BCL9: variants seen among roughly 807,000 people sequenced by gnomAD.
BCL9 encodes B-cell CLL/lymphoma 9 protein.
In BCL9, 25 loss-of-function variants were observed where a neutral mutation model predicts 88.5. That is an observed-to-expected ratio of 0.28 (90% CI 0.21 to 0.39). The LOEUF (loss-of-function observed/expected upper bound fraction) is 0.39. Ranked by LOEUF, BCL9 falls within the 10% of genes least tolerant of loss-of-function variation. The pLI, the probability that BCL9 is intolerant of heterozygous loss-of-function variation, is 1.00. For synonymous variants in BCL9, 711 were observed against 673.3 expected, an observed-to-expected ratio of 1.06 and a Z score of -0.87; for missense variants, 1,817 against 1,877.8, an observed-to-expected ratio of 0.97 and a Z score of 0.60.
chr1:147,584,589 T>C (rs1656515497), intron 1 of BCL9, among the ~76,000 whole-genome samples: 1 of 152,220 alleles, frequency 6.6e-6, no homozygotes, highest in Non-Finnish European at 1.5e-5. Context: ...TCTCTTGTTT[T>C]TGTTGCTGAT....
chr1:147,611,840 C>T lies in BCL9; in HGVS notation c.4C>T (p.His2Tyr). The T allele has an allele frequency of 6.2e-7, 1 of 1,614,156 alleles. No individual in the cohort carries two copies. The highest frequency in any genetic ancestry group is 8.5e-7 in the Non-Finnish European group (1 of 1,179,974). ...TGCAAGCTCAGGATTTCAATCAATG[C>T]ATTCCAGTAACCCTAAAGTGAGGAG... MHSSNPKVRSSP... is the reference protein window; with the variant it reads MYSSNPKVRSSP... The change falls in exon 4 of 10, where the codon CAT (histidine) becomes TAT (tyrosine). Residue 2 changes from histidine (H) to tyrosine (Y), a missense_variant. Transcript: ENST00000234739.
chr1:147,599,829 CT>C (rs1657261752), intron 1 of BCL9, among the ~76,000 whole-genome samples: 4 of 139,552 alleles, frequency 2.9e-5, no homozygotes, highest in Non-Finnish European at 4.7e-5. Flanking sequence ...CTGCGGGAAG[CT>C]GGGGGCGGGA....
chr1:147,613,997 A>C (rs1658141303), intron 5 of BCL9, among the ~76,000 whole-genome samples: 1 of 152,164 alleles, frequency 6.6e-6, no homozygotes, highest in Admixed American at 6.5e-5. Flanking sequence ...TGCCAGCACT[A>C]TGCTGGGGGG....
At chr1:147,552,847 T>C (rs1322805356) in intron 1 of BCL9, among the ~76,000 whole-genome samples, 1 of 152,132 alleles carries the variant, frequency 6.6e-6, no homozygotes, top group African/African-American at 2.4e-5. Flanking sequence ...GGCCTATAAA[T>C]CCCTGGTGTG....
chr1:147,620,852 A>AGCT lies in BCL9; in HGVS notation c.2707_2709dup (p.Ala903dup), dbSNP rs782651718. ...AGCTGGCAGGCATGCTGGCGGGCCC[A>AGCT]GCTGCTGCTGCTTCCATTAAGTCCC... On this transcript the variant is annotated inframe_insertion, in exon 8 of 10. Transcript: ENST00000234739. The AGCT allele has an allele frequency of 3.7e-6, 6 of 1,613,980 alleles. No homozygotes were observed. In the East Asian group the frequency reaches 1.1e-4, roughly 30 times the overall value.
chr1:147,619,511 C>G lies in BCL9; in HGVS notation c.1356C>G (p.Ser452=). The G allele has an allele frequency of 6.2e-7, 1 of 1,614,070 alleles. No homozygotes were observed. Among genetic ancestry groups the G allele is most frequent in the Non-Finnish European group, 8.5e-7 (1 of 1,180,014 alleles). Residue 452 remains serine (S), a synonymous_variant, in exon 8 of 10, where the codon TCC becomes TCG. Coordinates refer to ENST00000234739, the MANE Select transcript of BCL9 (RefSeq NM_004326.4). This position sits in a 1 kb window ranked among gnomAD's most constrained non-coding sequence, Gnocchi z 4.1. ...PDEMVPPSMN[S]QSGTIGPDHL... ...AAATGGTTCCACCTTCTATGAACTC[C>G]CAGTCTGGGACCATAGGACCCGACC...
At chr1:147,611,134 T>C (rs1570902467) in intron 3 of BCL9, among the ~76,000 whole-genome samples, 2 of 152,192 alleles carry the variant, frequency 1.3e-5, no homozygotes, top group African/African-American at 4.8e-5. Flanking sequence ...GGGGGTTGTT[T>C]CATTTCAGTG....
intron 9 of BCL9, 53 bp from the exon 10 acceptor site, chr1:147,623,789 T>G: frequency 6.5e-7 from 1 of 1,539,258 alleles, no homozygotes; most frequent in Non-Finnish European, 8.8e-7. Context: ...ATTATAGTTT[T>G]TCTGAGTTGA....
intron 7 of BCL9, among the ~76,000 whole-genome samples, chr1:147,617,922 C>CA (rs761212581): frequency 1.8e-4 from 27 of 152,310 alleles, no homozygotes; most frequent in Non-Finnish European, 3.4e-4. Flanking sequence ...AGAACATACA[C>CA]ATCTCTCTTC....
rs1658943523 is a variant in BCL9, at chr1:147,626,181, G to GTGTC, written c.*1223_*1226dup. 1 of 196,110 alleles carries GTGTC rather than the reference G, an allele frequency of 5.1e-6. No homozygotes were observed. Among genetic ancestry groups the GTGTC allele is most frequent in the Non-Finnish European group, 1.1e-5 (1 of 94,288 alleles). The allele number at this position is 196,110 out of a possible 1,614,324, so 12.1% of individuals were successfully genotyped here. ...TACAAAACCACTCGCCAGAGCTGTG[G>GTGTC]TGTCAGAAAAATAAAATATATTGTT... On this transcript the variant is annotated 3_prime_UTR_variant, in exon 10 of 10. Coordinates refer to ENST00000234739, the MANE Select transcript of BCL9 (RefSeq NM_004326.4).
In BCL9 at chr1:147,613,144, C is replaced by T. The variant is rs782416786; in HGVS notation, c.315C>T (p.Ala105=). The T allele has an allele frequency of 1.7e-5, 27 of 1,614,004 alleles. No individual in the cohort carries two copies. The highest frequency in any genetic ancestry group is 2.7e-5 in the African/African-American group (2 of 74,904). Reference sequence around the variant, plus strand: ...GGAAAAGGGAGCGAAGTATTTCCGCCGACTCCTTTGATCAGAGAGATCCTG... The same window carrying T: ...GGAAAAGGGAGCGAAGTATTTCCGCTGACTCCTTTGATCAGAGAGATCCTG... ...GKGKRERSIS[A]DSFDQRDPGT... is the part of the protein sequence containing the mutation. The change falls in exon 5 of 10, where the codon GCC becomes GCT. Residue 105 remains alanine (A), a synonymous_variant. Transcript: ENST00000234739.
At chr1:147,591,185 G>T (rs1464417248) in intron 1 of BCL9, among the ~76,000 whole-genome samples, 2 of 151,936 alleles carry the variant, frequency 1.3e-5, no homozygotes, top group Non-Finnish European at 2.9e-5. Context: ...TGTCAGGATG[G>T]TGCCTATTCC....
intron 1 of BCL9, among the ~76,000 whole-genome samples, chr1:147,585,466 C>T (rs960849687): frequency 2.0e-5 from 3 of 151,972 alleles, no homozygotes; most frequent in South Asian, 2.1e-4. Context: ...AAGATGCTAA[C>T]GATGGGGAGG....
At chr1:147,581,562 G>A (rs1314977741) in intron 1 of BCL9, among the ~76,000 whole-genome samples, 4 of 152,152 alleles carry the variant, frequency 2.6e-5, no homozygotes, top group South Asian at 4.1e-4. Flanking sequence ...TCTTTTGTTT[G>A]GGGGAAGGTG....
At chr1:147,612,000 A>G in intron 4 of BCL9, 111 bp downstream of exon 4, 2 of 1,123,490 alleles carry the variant, frequency 1.8e-6, no homozygotes, top group South Asian at 1.3e-5. Context: ...TGAAACCCAA[A>G]TGGGAAAGGA....
chr1:147,584,515 T>C (rs1270914380), intron 1 of BCL9, among the ~76,000 whole-genome samples: 7 of 152,220 alleles, frequency 4.6e-5, no homozygotes, highest in African/African-American at 7.2e-5. Context: ...CTAATCTTTT[T>C]TTTAATCCAC....
intron 1 of BCL9, among the ~76,000 whole-genome samples, chr1:147,563,753 GC>G (rs1427220512): frequency 6.6e-6 from 1 of 152,204 alleles, no homozygotes; most frequent in Non-Finnish European, 1.5e-5. Context: ...TTTTAGAATT[GC>G]CTATAGAGTC....
At chr1:147,569,012 T>G (rs782547482) in intron 1 of BCL9, among the ~76,000 whole-genome samples, 7 of 151,814 alleles carry the variant, frequency 4.6e-5, no homozygotes, top group Non-Finnish European at 1.0e-4. Flanking sequence ...AGCAGTCCAA[T>G]ATAAAGTGAC....
intron 1 of BCL9, among the ~76,000 whole-genome samples, chr1:147,586,064 C>G (rs1656587138): frequency 6.6e-6 from 1 of 152,112 alleles, no homozygotes; most frequent in South Asian, 2.1e-4. Context: ...TATTATTGGC[C>G]TCTCTGTGCT....
Sources: gnomAD v4.1 joint callset for allele counts (sites outside exome capture counted in the v4.1 genomes callset) on GRCh38, gnomAD v4.1.1 for gene constraint, Gnocchi (gnomAD v3.1) non-coding constraint, MANE v1.5 for transcripts, NCBI Gene and HGNC (gene_info 2026-07-23, HGNC 2026-07-21) for gene names.